The following PARP15 variants were observed in gnomAD, a reference collection of about 807,000 sequenced individuals.
PARP15 encodes the protein protein mono-ADP-ribosyltransferase PARP15.
PARP15 carries 50 observed loss-of-function variants against 62.1 expected under a neutral mutation model. That is an observed-to-expected ratio of 0.81 (90% confidence interval 0.64 to 1.02). The LOEUF is 1.02. Among genes scored for constraint, PARP15 ranks in the 50% least tolerant of loss-of-function variants. The pLI is 0.00. For missense variants in PARP15, 820 were observed against 826.5 expected (o/e 0.99, Z 0.10); for synonymous variants, 309 against 293.1 (o/e 1.05, Z -0.55).
At chr3:122,635,535 A>T (rs1181722867) in intron 11 of PARP15, among the ~76,000 whole-genome samples, 2 of 151,788 alleles carry the variant, frequency 1.3e-5, no homozygotes, top group Non-Finnish European at 2.9e-5. Context: ...CAGTCCCCTG[A>T]GTAGCTGGGA....
At chr3:122,624,953 G>C (rs994640357) in intron 8 of PARP15, among the ~76,000 whole-genome samples, 2 of 151,948 alleles carry the variant, frequency 1.3e-5, no homozygotes, top group Non-Finnish European at 2.9e-5. Context: ...TAGCAACAGA[G>C]CTAGGTTCAA....
At chr3:122,615,623 T>C in intron 4 of PARP15, 156 bp from the exon 5 acceptor site, 1 of 1,474,826 alleles carries the variant, frequency 6.8e-7, no homozygotes, top group Non-Finnish European at 9.1e-7. Flanking sequence ...AATTCCTAGG[T>C]TGAACCGCAA....
At chr3:122,634,221 T>C (rs1195440320) in intron 10 of PARP15, among the ~76,000 whole-genome samples, 1 of 152,178 alleles carries the variant, frequency 6.6e-6, no homozygotes, top group East Asian at 1.9e-4. Context: ...CTGGAGCCCC[T>C]TCCTATATTT....
At chr3:122,583,237 C>G (rs958925792) in intron 1 of PARP15, among the ~76,000 whole-genome samples, 1 of 148,916 alleles carries the variant, frequency 6.7e-6, no homozygotes, top group African/African-American at 2.5e-5. Flanking sequence ...TCTCCTTCCT[C>G]AGCCTCCTAA....
rs151244693 is a variant in PARP15 at position 122,626,835 on chromosome 3, G to A, written c.1240G>A (p.Gly414Arg). The A allele has an allele frequency of 1.4e-4, 231 of 1,602,838 alleles. 1 individual carries two copies. In the East Asian group the frequency reaches 1.5e-3, roughly 10 times the overall value. The change falls in exon 9 of 12, where the codon GGA becomes AGA. Residue 414 changes from glycine to arginine, a missense_variant. Around this residue, in one of 3 missense-constraint regions of PARP15, gnomAD observed 731 missense variants for 727.7 expected, o/e 1.00. Coordinates refer to ENST00000464300, the MANE Select transcript of PARP15 (RefSeq NM_001113523.3). ...SLPAIGTGNAGKNPITVADNI... is the reference protein window; with the variant it reads ...SLPAIGTGNARKNPITVADNI... ...TTAAATTTTTTTTTCAGGAAATGCC[G>A]GAAAAAACCCTATCACAGTTGCTGA...
Position 122,613,178 on chromosome 3 carries a change from G to A in PARP15, c.681G>A (p.Val227=). ...AVFAKLILSE[V]FEYSSSTRPI... is the part of the protein sequence containing the mutation. ...TTGCTAAACTAATCCTTTCAGAAGT[G>A]TTCGAATACAGTAGCAGCACAAGGC... Residue 227 remains valine (V), a synonymous_variant, in exon 4 of 12, where the codon GTG becomes GTA. Transcript: ENST00000464300. 1 of 1,551,800 alleles carries A rather than the reference G, an allele frequency of 6.4e-7. No individual in the cohort carries two copies. The highest frequency in any genetic ancestry group is 2.0e-5 in the Admixed American group (1 of 51,014).
chr3:122,625,707 C>T (rs904500377), intron 8 of PARP15, among the ~76,000 whole-genome samples: 6 of 152,204 alleles, frequency 3.9e-5, no homozygotes, highest in Admixed American at 2.0e-4. Flanking sequence ...CAGCCATCTA[C>T]GGGTCAACCT....
chr3:122,615,043 A>AAG (rs1935856337), intron 4 of PARP15: 2 of 966,412 alleles, frequency 2.1e-6, no homozygotes, highest in African/African-American at 3.7e-5. Context: ...AAAAAAAAAA[A>AAG]AAAGAAAAGA....
rs1192180041 is a variant in PARP15 at position 122,638,234 on chromosome 3, A to G, written c.*2134A>G. Reference sequence around the variant, plus strand: ...TTTGGGTTGGTTCCAAGTCTTTGCTATTGTGAATAGTGCCGCAATAAACAT... The same window carrying G: ...TTTGGGTTGGTTCCAAGTCTTTGCTGTTGTGAATAGTGCCGCAATAAACAT... On this transcript the variant is annotated 3_prime_UTR_variant, in exon 12 of 12. Transcript: ENST00000464300. 1 of 152,068 alleles carries G rather than the reference A, an allele frequency of 6.6e-6. No individual in the cohort carries two copies. The highest frequency in any genetic ancestry group is 2.4e-5 in the African/African-American group (1 of 41,366). The allele number at this position is 152,068 out of a possible 1,614,324, so 9.4% of individuals were successfully genotyped here.
chr3:122,615,749 G>A, intron 4 of PARP15, 30 bp from the exon 5 acceptor site: 2 of 1,607,052 alleles, frequency 1.2e-6, no homozygotes, highest in Non-Finnish European at 1.7e-6. Context: ...ACACAATATT[G>A]TTGTAGTCAG....
intron 1 of PARP15, among the ~76,000 whole-genome samples, chr3:122,583,436 T>C (rs1239706806): frequency 3.9e-5 from 6 of 152,132 alleles, no homozygotes; most frequent in Admixed American, 2.0e-4. Context: ...CTGTATCATT[T>C]TTAAATTAGT....
intron 8 of PARP15, among the ~76,000 whole-genome samples, chr3:122,623,629 C>T (rs1936491957): frequency 6.6e-6 from 1 of 152,118 alleles, no homozygotes; most frequent in Non-Finnish European, 1.5e-5. Context: ...AAGTGGGAGG[C>T]CATGAAATGC....
At chr3:122,590,423 G>A (rs1377816849) in intron 1 of PARP15, among the ~76,000 whole-genome samples, 1 of 151,364 alleles carries the variant, frequency 6.6e-6, no homozygotes, top group African/African-American at 2.4e-5. Flanking sequence ...CAGGCACCCA[G>A]CACCACGCCC....
At chr3:122,582,294 C>T (rs1053365297) in intron 1 of PARP15, among the ~76,000 whole-genome samples, 7 of 152,186 alleles carry the variant, frequency 4.6e-5, no homozygotes, top group Non-Finnish European at 5.9e-5. Flanking sequence ...ACCTCAGCCT[C>T]CTGAGTAGCT....
At chr3:122,586,276 G>T (rs1933422804) in intron 1 of PARP15, among the ~76,000 whole-genome samples, 1 of 151,520 alleles carries the variant, frequency 6.6e-6, no homozygotes. Flanking sequence ...GCCTAATCAT[G>T]ACTCACTCTA....
At chr3:122,587,105 T>C (rs921079043) in intron 1 of PARP15, among the ~76,000 whole-genome samples, 1 of 134,802 alleles carries the variant, frequency 7.4e-6, no homozygotes, top group Non-Finnish European at 1.5e-5. Context: ...TCTGTGTTTG[T>C]GTGTGTGTGT....
intron 8 of PARP15, among the ~76,000 whole-genome samples, chr3:122,621,834 T>A (rs1375940481): frequency 1.3e-5 from 2 of 152,218 alleles, no homozygotes; most frequent in African/African-American, 4.8e-5. Context: ...AGTCTCACTC[T>A]GTTGCCCAGG....
In PARP15 at chr3:122,637,140, A is replaced by G. The variant is rs1226703342; in HGVS notation, c.*1040A>G. The stretch of plus-strand genomic sequence containing the variant: ...CAAGGATCATTGGGGGCCATCTTGG[A>G]AGCTGTGTGAATGAGCAAATGAATG... On this transcript the variant is annotated 3_prime_UTR_variant, in exon 12 of 12. Coordinates refer to ENST00000464300, the MANE Select transcript of PARP15 (RefSeq NM_001113523.3). 1.3e-5 allele frequency: 2 copies of G among 152,242 alleles called. No individual in the cohort carries two copies. The highest frequency in any genetic ancestry group is 2.9e-5 in the Non-Finnish European group (2 of 68,100). The allele number at this position is 152,242 out of a possible 1,614,324, so 9.4% of individuals were successfully genotyped here. A position where few individuals can be genotyped will look rare whatever the true frequency, so the allele number is the denominator to read the frequency against.
intron 1 of PARP15, chr3:122,594,762 T>C: frequency 1.0e-6 from 1 of 980,248 alleles, no homozygotes; most frequent in Non-Finnish European, 1.2e-6. Flanking sequence ...AACACATTTA[T>C]TAATGTTTGT....
Sources: allele counts gnomAD v4.1 joint callset (sites outside exome capture counted in the v4.1 genomes callset), GRCh38; gene constraint gnomAD v4.1.1; regional missense constraint gnomAD v4.1.1; transcripts MANE v1.5; gene names NCBI Gene and HGNC (gene_info 2026-07-23, HGNC 2026-07-21).